The following ZNF540 variants were observed in gnomAD, a reference collection of about 807,000 sequenced individuals.
The protein encoded by ZNF540 is zinc finger protein 540, also known as CTD-3064H18.6.
Under a neutral mutation model 11.8 loss-of-function variants are expected in ZNF540, and 3 were observed. The observed-to-expected ratio is 0.25, with a 90% CI of 0.12 to 0.65. The LOEUF is 0.65. Among genes scored for constraint, ZNF540 ranks in the 30% least tolerant of loss-of-function variants. ZNF540 has a pLI of 0.83. For synonymous variants in ZNF540, 247 were observed against 259.0 expected, an observed-to-expected ratio of 0.95 and a Z score of 0.45; for missense variants, 709 against 793.1, an observed-to-expected ratio of 0.89 and a Z score of 1.27.
intron 1 of ZNF540, among the ~76,000 whole-genome samples, chr19:37,566,831 T>C (rs1367942165): frequency 6.6e-6 from 1 of 152,180 alleles, no homozygotes; most frequent in Non-Finnish European, 1.5e-5. Context: ...GCTAAAAATC[T>C]TCCCTATTAA....
chr19:37,566,201 C>T lies in ZNF540; in HGVS notation c.-73+14536C>T, dbSNP rs749343091. 5.0e-5 allele frequency: 81 copies of T among 1,613,804 alleles called. No homozygotes were observed. In the Admixed American group the frequency reaches 1.0e-3, roughly 20 times the overall value. On this transcript the variant is annotated intron_variant, in intron 1 of 4. Coordinates refer to the ZNF540 transcript ENST00000592533. Reference sequence around the variant, plus strand: ...ATTGTATTGAAGGTGATGGTTGATACGTTTCCCCATATTCTCCCACTGGAG... The same window carrying T: ...ATTGTATTGAAGGTGATGGTTGATATGTTTCCCCATATTCTCCCACTGGAG...
At chr19:37,580,268 C>T (rs1238288171) in intron 1 of ZNF540, among the ~76,000 whole-genome samples, 1 of 152,210 alleles carries the variant, frequency 6.6e-6, no homozygotes, top group East Asian at 1.9e-4. Context: ...GACATCAATC[C>T]TCATGATATA....
chr19:37,584,153 T>G, intron 1 of ZNF540: 1 of 1,608,916 alleles, frequency 6.2e-7, no homozygotes, highest in Middle Eastern at 1.7e-4. Context: ...TGAAGTGAAA[T>G]GAGAAGAAAA....
intron 1 of ZNF540, among the ~76,000 whole-genome samples, chr19:37,573,285 T>C (rs1231673729): frequency 6.6e-6 from 1 of 152,170 alleles, no homozygotes; most frequent in South Asian, 2.1e-4. Context: ...GGATTCCTAT[T>C]ATTAACGGCA....
upstream of ZNF540, among the ~76,000 whole-genome samples, chr19:37,593,615 A>G (rs2043931579): frequency 6.6e-6 from 1 of 152,182 alleles, no homozygotes; most frequent in Non-Finnish European, 1.5e-5. Context: ...AGGCAGGAGA[A>G]TGGCGTGAAC....
chr19:37,570,680 AC>A (rs1331474550), intron 1 of ZNF540, among the ~76,000 whole-genome samples: 3 of 152,176 alleles, frequency 2.0e-5, no homozygotes, highest in Non-Finnish European at 4.4e-5. Flanking sequence ...TTGGCTCTTT[AC>A]CCCTACTCAT....
At position 37,573,688 on chromosome 19, in the gene ZNF540, C is replaced by T. The variant is rs900219210; in HGVS notation, c.-73+22023C>T. On this transcript the variant is annotated intron_variant, in intron 1 of 4. Coordinates refer to the ZNF540 transcript ENST00000592533. Reference sequence around the variant, plus strand: ...GTCTACAAAAAAAAAAAAAAAAATCCGCCATGCATGGTGGTGCACAACTGT... The same window carrying T: ...GTCTACAAAAAAAAAAAAAAAAATCTGCCATGCATGGTGGTGCACAACTGT... Among the ~76,000 whole-genome samples, 70 of 150,426 alleles carry T rather than the reference C, an allele frequency of 4.7e-4. 2 individuals are homozygous for T. Among genetic ancestry groups the T allele is most frequent in the Admixed American group, 4.0e-3 (60 of 15,096 alleles).
chr19:37,608,269 T>C (rs1051861742), intron 4 of ZNF540, among the ~76,000 whole-genome samples: 11 of 152,256 alleles, frequency 7.2e-5, no homozygotes, highest in Admixed American at 6.5e-4. Context: ...GAAGTTTCTC[T>C]TGTCACATCT....
chr19:37,565,763 G>C (rs1278089201), intron 1 of ZNF540: 2 of 1,613,622 alleles, frequency 1.2e-6, no homozygotes, highest in Non-Finnish European at 1.7e-6. Flanking sequence ...ACACTGATAA[G>C]GTTTTTCATT....
rs1441948276 is a variant in ZNF540, at chr19:37,569,618, T to C, written c.-73+17953T>C. On this transcript the variant is annotated intron_variant, in intron 1 of 4. Coordinates refer to the ZNF540 transcript ENST00000592533. This position sits in a 1 kb window ranked among gnomAD's most constrained non-coding sequence, Gnocchi z 4.4. ...CAAGTGCTGCTTATAACCTACTAGG[T>C]TGTATTCATAACCTCTAGCAGGTTC... is the stretch of plus-strand genomic sequence containing the variant. Among the ~76,000 whole-genome samples, 1 of 152,166 alleles carries C rather than the reference T, an allele frequency of 6.6e-6. No homozygotes were observed. Among genetic ancestry groups the C allele is most frequent in the Non-Finnish European group, 1.5e-5 (1 of 68,040 alleles).
At chr19:37,590,004 G>A (rs930322583), upstream of ZNF540, among the ~76,000 whole-genome samples, 1 of 151,246 alleles carries the variant, frequency 6.6e-6, no homozygotes, top group Non-Finnish European at 1.5e-5. Flanking sequence ...TCAAAGAAAA[G>A]TCCAGGAATT....
chr19:37,555,193 T>G (rs1000410338), intron 1 of ZNF540: 2 of 152,098 alleles, frequency 1.3e-5, no homozygotes, highest in African/African-American at 4.8e-5. Flanking sequence ...TCTGTCTGGC[T>G]CTCTTAGCTA....
rs555686422 is a variant in ZNF540, at chr19:37,613,714, A to G, written c.*451A>G. On this transcript the variant is annotated 3_prime_UTR_variant, in exon 5 of 5. Transcript: ENST00000316433. ...GTGGATTTCTTAATAGGAAGATGCA[A>G]TGGAGATGACAAATTTGGAAAAACC... 6 of 398,272 alleles carry G rather than the reference A, an allele frequency of 1.5e-5. No homozygotes were observed. The highest frequency in any genetic ancestry group is 2.6e-4 in the South Asian group (2 of 7,698). 24.7% of individuals were successfully genotyped at this position (398,272 alleles called of 1,614,324 possible). A position where few individuals can be genotyped will look rare whatever the true frequency, so the allele number is the denominator to read the frequency against.
chr19:37,588,534 A>G (rs4803287), intron 1 of ZNF540, among the ~76,000 whole-genome samples: 40,700 of 152,010 alleles, frequency 0.27, 6,313 homozygotes, highest in East Asian at 0.63. Context: ...AGATGAGAAC[A>G]TGGACACTGG....
rs117395496 is a variant in ZNF540 at position 37,578,519 on chromosome 19, C to T, written c.-72-19857C>T. On this transcript the variant is annotated intron_variant, in intron 1 of 4. Transcript: ENST00000592533. The stretch of plus-strand genomic sequence containing the variant: ...CTGCTCAAGCCCATGTGGAGCACCA[C>T]AAGCCCCGGATCCCTGAGCAGCTTG... Among the ~76,000 whole-genome samples, 1,023 of 152,334 alleles carry T rather than the reference C, an allele frequency of 6.7e-3. 32 individuals are homozygous for T. Among genetic ancestry groups the T allele is most frequent in the East Asian group, 0.05 (259 of 5,172 alleles).
intron 1 of ZNF540, chr19:37,566,076 C>G (rs1166757431): frequency 6.2e-7 from 1 of 1,614,074 alleles, no homozygotes; most frequent in South Asian, 1.1e-5. Context: ...CTTTCAGTGG[C>G]CTTTTCTTCA....
chr19:37,571,116 C>T (rs1351167275), intron 1 of ZNF540, among the ~76,000 whole-genome samples: 1 of 152,166 alleles, frequency 6.6e-6, no homozygotes, highest in Non-Finnish European at 1.5e-5. Context: ...CTAATTATAG[C>T]ATTTCTCATC....
chr19:37,577,901 G>A (rs989726022), intron 1 of ZNF540, among the ~76,000 whole-genome samples: 3 of 152,154 alleles, frequency 2.0e-5, no homozygotes, highest in Non-Finnish European at 4.4e-5. Context: ...GCCACAGACC[G>A]TACTGTTTGG....
At chr19:37,599,559 T>C in intron 2 of ZNF540, 67 bp from the exon 3 acceptor site, 1 of 1,600,068 alleles carries the variant, frequency 6.2e-7, no homozygotes. Flanking sequence ...ACCTTTTATC[T>C]CCTTTTCTTC....
Sources: allele counts gnomAD v4.1 joint callset (sites outside exome capture counted in the v4.1 genomes callset), GRCh38; gene constraint gnomAD v4.1.1; non-coding constraint Gnocchi (gnomAD v3.1); transcripts MANE v1.5; gene names NCBI Gene and HGNC (gene_info 2026-07-23, HGNC 2026-07-21).